Variants in PACRG observed in about 807,000 individuals in gnomAD.
PACRG encodes the protein parkin coregulated.
PACRG carries 29 observed loss-of-function variants against 29.7 expected under a neutral mutation model. The ratio of observed to expected loss-of-function variants is 0.98; its 90% CI spans 0.73 to 1.33. The LOEUF (loss-of-function observed/expected upper bound fraction) is 1.33. Ranked by LOEUF, PACRG falls within the 40% of genes most tolerant of loss-of-function variation. The pLI is 0.00. For synonymous variants in PACRG, 116 were observed against 118.7 expected, an observed-to-expected ratio of 0.98 and a Z score of 0.15; for missense variants, 279 against 316.2, an observed-to-expected ratio of 0.88 and a Z score of 0.89.
Position 163,313,535 on chromosome 6 carries a change from G to T in PACRG, c.614-1292G>T, listed in dbSNP as rs552201428. 1.2e-3 allele frequency among the ~76,000 whole-genome samples: 176 copies of T among 152,144 alleles called. 1 individual carries two copies. The highest frequency in any genetic ancestry group is 2.0e-3 in the Admixed American group (31 of 15,270). ...TTACTAAGTCTTTTTTAAATGTCTC[G>T]AATGACTAATTAAGGATAAAAGGTT... On this transcript the variant is annotated intron_variant, in intron 4 of 4. Transcript: ENST00000366888.
At chr6:163,201,380 T>C (rs1780692482) in intron 4 of PACRG, among the ~76,000 whole-genome samples, 2 of 152,210 alleles carry the variant, frequency 1.3e-5, no homozygotes, top group South Asian at 4.1e-4. Flanking sequence ...TATACATTTA[T>C]GTCCCAATTT....
chr6:163,118,083 GTC>G (rs1816097167), intron 4 of PACRG, among the ~76,000 whole-genome samples: 1 of 152,200 alleles, frequency 6.6e-6, no homozygotes. Flanking sequence ...TATATATATA[GTC>G]TCTGTGCATT....
intron 2 of PACRG, among the ~76,000 whole-genome samples, chr6:162,814,867 C>G (rs1348252046): frequency 6.6e-6 from 1 of 152,160 alleles, no homozygotes; most frequent in Non-Finnish European, 1.5e-5. Context: ...ATTTTTCTGA[C>G]AAAAGGTTAA....
chr6:162,731,775 AATC>A (rs2075351318), intron 1 of PACRG, among the ~76,000 whole-genome samples: 1 of 152,196 alleles, frequency 6.6e-6, no homozygotes, highest in Non-Finnish European at 1.5e-5. Context: ...ACGTAGTGGT[AATC>A]ATCAATATTT....
intron 2 of PACRG, among the ~76,000 whole-genome samples, chr6:162,998,060 C>T (rs1263671776): frequency 6.6e-6 from 1 of 152,090 alleles, no homozygotes; most frequent in Non-Finnish European, 1.5e-5. Context: ...TAGTACCTAC[C>T]GTAAAGAATT....
chr6:163,175,457 T>A (rs1204825944), intron 4 of PACRG, among the ~76,000 whole-genome samples: 1 of 150,922 alleles, frequency 6.6e-6, no homozygotes, highest in African/African-American at 2.5e-5. Context: ...TTAAAGGACA[T>A]CACTCCCCCC....
At chr6:163,078,056 A>G (rs184431305) in intron 3 of PACRG, among the ~76,000 whole-genome samples, 2 of 152,304 alleles carry the variant, frequency 1.3e-5, no homozygotes, top group East Asian at 3.9e-4. Context: ...TAAATAAATA[A>G]ACAAACCAAT....
At chr6:162,962,217 A>G (rs9458683) in intron 2 of PACRG, among the ~76,000 whole-genome samples, 4,828 of 152,204 alleles carry the variant, frequency 0.032, 273 homozygotes, top group African/African-American at 0.11. Flanking sequence ...ATTTTTGTCC[A>G]TCTCTATGCC....
chr6:163,145,997 T>C (rs1003682714), intron 4 of PACRG, among the ~76,000 whole-genome samples: 7 of 152,188 alleles, frequency 4.6e-5, no homozygotes, highest in African/African-American at 1.7e-4. Flanking sequence ...CTCAAAATTA[T>C]TGAATTTCAG....
chr6:163,064,893 A>G (rs1811405954), intron 3 of PACRG, among the ~76,000 whole-genome samples: 1 of 151,978 alleles, frequency 6.6e-6, no homozygotes, highest in African/African-American at 2.4e-5. Context: ...AAATGTATAA[A>G]CTCACTGTGA....
intron 2 of PACRG, among the ~76,000 whole-genome samples, chr6:162,976,651 C>T (rs1801985600): frequency 6.6e-6 from 1 of 152,274 alleles, no homozygotes; most frequent in East Asian, 1.9e-4. Context: ...GAACGAGGTA[C>T]ATATGCCTGG....
intron 2 of PACRG, among the ~76,000 whole-genome samples, chr6:163,031,797 C>T (rs1222033000): frequency 6.6e-6 from 1 of 152,096 alleles, no homozygotes; most frequent in African/African-American, 2.4e-5. Context: ...CCCAAGATAA[C>T]TTGGGGCTCC....
chr6:162,872,485 C>T (rs1422985491), intron 2 of PACRG, among the ~76,000 whole-genome samples: 1 of 152,148 alleles, frequency 6.6e-6, no homozygotes, highest in African/African-American at 2.4e-5. Flanking sequence ...ACCCCACTTA[C>T]TTTTGTCTAT....
At chr6:162,762,862 T>C (rs1782487027) in intron 1 of PACRG, among the ~76,000 whole-genome samples, 1 of 152,250 alleles carries the variant, frequency 6.6e-6, no homozygotes, top group South Asian at 2.1e-4. Context: ...CTTTGATTTA[T>C]GTTCAGATGT....
intron 4 of PACRG, among the ~76,000 whole-genome samples, chr6:163,300,896 A>G (rs56290818): frequency 0.045 from 3,812 of 85,340 alleles, 49 homozygotes; most frequent in African/African-American, 0.076. Flanking sequence ...GCAGGGCCAC[A>G]TCCACTGCTT....
chr6:163,074,555 C>T (rs1404900672), intron 3 of PACRG, among the ~76,000 whole-genome samples: 2 of 151,980 alleles, frequency 1.3e-5, no homozygotes, highest in South Asian at 2.1e-4. Flanking sequence ...ACTAAAAGAG[C>T]ATAATTGGAT....
rs1779438858 is a variant in PACRG at position 162,728,332 on chromosome 6, C to T, written c.97C>T (p.Gln33Ter). Reference protein sequence around the residue: ...LLAQQPLPVHQPHSLVSEGFT... With the variant: ...LLAQQPLPVH Reference sequence around the variant, plus strand: ...GGCACAACAGCCGCTCCCGGTGCACCAGCCTCACTCTCTGGTTTCTGAGGG... The same window carrying T: ...GGCACAACAGCCGCTCCCGGTGCACTAGCCTCACTCTCTGGTTTCTGAGGG... Residue 33 changes from glutamine to a stop codon, truncating the protein, a stop_gained, in exon 1 of 5, where the codon CAG (glutamine) becomes TAG (stop). Transcript: ENST00000366888. LOFTEE classifies it high-confidence loss of function. The T allele has an allele frequency of 6.2e-7, 1 of 1,613,978 alleles. No individual in the cohort carries two copies. The highest frequency in any genetic ancestry group is 1.3e-5 in the African/African-American group (1 of 75,022).
chr6:163,204,923 C>A (rs1398635788), intron 4 of PACRG, among the ~76,000 whole-genome samples: 3 of 152,172 alleles, frequency 2.0e-5, no homozygotes, highest in African/African-American at 4.8e-5. Context: ...TGTACACCAA[C>A]AACAGCCAAG....
chr6:162,915,135 A>G (rs952502507), intron 2 of PACRG, among the ~76,000 whole-genome samples: 1 of 152,148 alleles, frequency 6.6e-6, no homozygotes, highest in Middle Eastern at 3.4e-3. Context: ...ATTAAGTATG[A>G]TATTGGCTAT....
Sources: allele counts gnomAD v4.1 joint callset (sites outside exome capture counted in the v4.1 genomes callset), GRCh38; gene constraint gnomAD v4.1.1; transcripts MANE v1.5; gene names NCBI Gene and HGNC (gene_info 2026-07-23, HGNC 2026-07-21).